BIN3: variants seen among roughly 807,000 people sequenced by gnomAD.
BIN3 encodes the protein bridging integrator 3.
Under a neutral mutation model 38.2 loss-of-function variants are expected in BIN3, and 41 were observed. The observed-to-expected ratio is 1.07, with a 90% CI of 0.84 to 1.39. The LOEUF (loss-of-function observed/expected upper bound fraction) is 1.39. Ranked by LOEUF, BIN3 falls within the 40% of genes most tolerant of loss-of-function variation. BIN3 has a pLI of 0.00. For synonymous variants in BIN3, 145 were observed against 122.6 expected, an observed-to-expected ratio of 1.18 and a Z score of -1.21; for missense variants, 361 against 324.3, an observed-to-expected ratio of 1.11 and a Z score of -0.87.
intron 1 of BIN3, among the ~76,000 whole-genome samples, chr8:22,665,655 C>T (rs1223664303): frequency 3.3e-5 from 5 of 152,176 alleles, no homozygotes; most frequent in East Asian, 1.9e-4. Flanking sequence ...CACATGGGCA[C>T]GAGAGAGCAG....
chr8:22,630,144 A>G (rs1283914374), intron 5 of BIN3, 140 bp from the exon 6 acceptor site: 16 of 1,061,890 alleles, frequency 1.5e-5, no homozygotes, highest in Non-Finnish European at 2.2e-5. Flanking sequence ...GGCTTTGCTC[A>G]GGGTGGAGGC....
At chr8:22,633,857 C>T (rs990023613) in intron 4 of BIN3, among the ~76,000 whole-genome samples, 7 of 152,222 alleles carry the variant, frequency 4.6e-5, no homozygotes, top group Non-Finnish European at 8.8e-5. Flanking sequence ...CTGTCAGGCT[C>T]GCCTTGGCCC....
At chr8:22,629,362 T>A (rs907012200) in intron 6 of BIN3, among the ~76,000 whole-genome samples, 17 of 152,244 alleles carry the variant, frequency 1.1e-4, no homozygotes, top group Middle Eastern at 3.4e-3. Context: ...GCTCTGCCTG[T>A]TCCCCGCCCT....
chr8:22,643,253 A>G (rs1239673173), intron 2 of BIN3, among the ~76,000 whole-genome samples: 1 of 152,166 alleles, frequency 6.6e-6, no homozygotes, highest in Non-Finnish European at 1.5e-5. Flanking sequence ...GCCTCCACAG[A>G]TGGTCAGCCT....
chr8:22,629,684 G>A lies in BIN3; in HGVS notation c.338+280C>T, dbSNP rs118100486. On this transcript the variant is annotated intron_variant, in intron 6 of 8. Transcript: ENST00000276416. ...CAGTGGCTCTCAATCAGGAGGAAGC[G>A]GTCAAATGACCACCAGAACAGCGGC... 9.0e-5 allele frequency: 49 copies of A among 542,252 alleles called. No homozygotes were observed. The East Asian group carries it at 1.1e-3, about 12-fold the overall frequency. 33.6% of individuals were successfully genotyped at this position (542,252 alleles called of 1,614,324 possible).
chr8:22,658,301 C>A (rs1803124562), intron 1 of BIN3, among the ~76,000 whole-genome samples: 1 of 152,136 alleles, frequency 6.6e-6, no homozygotes. Flanking sequence ...GTACGGAGGG[C>A]AAAGGGGGGA....
intron 1 of BIN3, among the ~76,000 whole-genome samples, chr8:22,650,213 T>C (rs1037507166): frequency 2.8e-4 from 43 of 152,242 alleles, no homozygotes; most frequent in African/African-American, 9.9e-4. Flanking sequence ...GTATACTGTG[T>C]TCAAGGCTTT....
chr8:22,666,565 G>A (rs1336513372), intron 1 of BIN3, among the ~76,000 whole-genome samples: 1 of 152,164 alleles, frequency 6.6e-6, no homozygotes, highest in African/African-American at 2.4e-5. Context: ...GGGTGTATGG[G>A]GAGTGGATGG....
At chr8:22,663,204 A>C (rs931893430) in intron 1 of BIN3, among the ~76,000 whole-genome samples, 2 of 90,636 alleles carry the variant, frequency 2.2e-5, no homozygotes, top group African/African-American at 1.0e-4. Flanking sequence ...TATTTCAAGT[A>C]TAAGTGTGTG....
chr8:22,621,110 G>A lies in BIN3; in HGVS notation c.*312C>T, dbSNP rs973959813. On this transcript the variant is annotated 3_prime_UTR_variant, in exon 9 of 9. Coordinates refer to ENST00000276416, the MANE Select transcript of BIN3 (RefSeq NM_018688.6). ...GGCTAAGACCCCCAACTTAGCCAAC[G>A]AAGCCCATGGCCTCAGAAGGGCTGC... 2.6e-5 allele frequency: 8 copies of A among 310,444 alleles called. No homozygotes were observed. Among genetic ancestry groups the A allele is most frequent in the Non-Finnish European group, 2.4e-5 (4 of 166,850 alleles). 19.2% of individuals were successfully genotyped at this position (310,444 alleles called of 1,614,324 possible).
intron 1 of BIN3, among the ~76,000 whole-genome samples, chr8:22,653,144 T>C (rs1314975683): frequency 6.6e-6 from 1 of 152,234 alleles, no homozygotes; most frequent in African/African-American, 2.4e-5. Flanking sequence ...AGTGACCAGT[T>C]TGTCATTAAT....
At position 22,624,347 on chromosome 8, in the gene BIN3, G is replaced by A. The variant is rs1198969446; in HGVS notation, c.355C>T (p.Pro119Ser). 1.2e-6 allele frequency: 2 copies of A among 1,613,210 alleles called. No homozygotes were observed. The highest frequency in any genetic ancestry group is 1.1e-5 in the South Asian group (1 of 90,972). Residue 119 changes from proline (P) to serine (S), a missense_variant, in exon 7 of 9, where the codon CCG becomes TCG. Transcript: ENST00000276416. ...CTCTTCACAGCCATGTTGAGGCTCG[G>A]GAAGACACTGCCGAACCTGTGGGAC... is the stretch of plus-strand genomic sequence containing the variant. ...EPLKKFGSVF[P>S]SLNMAVKRRE...
intron 1 of BIN3, among the ~76,000 whole-genome samples, chr8:22,647,933 T>C (rs1353121817): frequency 1.3e-5 from 2 of 151,700 alleles, no homozygotes; most frequent in African/African-American, 4.8e-5. Context: ...GAGACCATCC[T>C]GGCTAACACG....
chr8:22,655,373 T>C (rs1204643220), intron 1 of BIN3, among the ~76,000 whole-genome samples: 3 of 152,258 alleles, frequency 2.0e-5, no homozygotes, highest in East Asian at 1.9e-4. Flanking sequence ...CATGAAGATT[T>C]ACTCTTGTCT....
intron 2 of BIN3, among the ~76,000 whole-genome samples, chr8:22,640,030 T>G (rs1191885945): frequency 6.8e-6 from 1 of 148,082 alleles, no homozygotes; most frequent in Non-Finnish European, 1.5e-5. Context: ...CCTGGCTAAT[T>G]TTCGTGTTTT....
Position 22,630,020 on chromosome 8 carries a change from C to A in BIN3, c.298-16G>T. The A allele has an allele frequency of 6.2e-7, 1 of 1,606,204 alleles. No individual in the cohort carries two copies. Among genetic ancestry groups the A allele is most frequent in the East Asian group, 2.2e-5 (1 of 44,736 alleles). On this transcript the variant is annotated splice_polypyrimidine_tract_variant and intron_variant, in intron 5 of 8. Transcript: ENST00000276416. ...TCTGGTTCACCTGTCAAAGAAAAAC[C>A]CAAAGACATTAAAACTGGTGGGGAG...
Position 22,620,436 on chromosome 8 carries a change from G to GGCTT in BIN3, c.*982_*985dup, listed in dbSNP as rs775687799. 3 of 32,116 alleles carry GGCTT rather than the reference G, an allele frequency of 9.3e-5. No homozygotes were observed. The highest frequency in any genetic ancestry group is 1.5e-4 in the Non-Finnish European group (2 of 13,170). The allele number at this position is 32,116 out of a possible 1,614,324, so 2.0% of individuals were successfully genotyped here. ...GTTGGGGTTTTTTTTTTTTTTTTTT[G>GGCTT]GCTTGTTTTTTAAATAAACCAAAGT... On this transcript the variant is annotated 3_prime_UTR_variant, in exon 9 of 9. Coordinates refer to ENST00000276416, the MANE Select transcript of BIN3 (RefSeq NM_018688.6).
At chr8:22,663,836 G>C (rs1049085583) in intron 1 of BIN3, among the ~76,000 whole-genome samples, 2 of 152,124 alleles carry the variant, frequency 1.3e-5, no homozygotes, top group African/African-American at 4.8e-5. Context: ...GAAACAGCAC[G>C]TATTTGCTAA....
chr8:22,643,974 T>A (rs1245158738), intron 2 of BIN3, among the ~76,000 whole-genome samples: 1 of 152,256 alleles, frequency 6.6e-6, no homozygotes, highest in Non-Finnish European at 1.5e-5. Flanking sequence ...AGGGCTTCAC[T>A]GCCCAGGGAA....
Sources: allele counts gnomAD v4.1 joint callset (sites outside exome capture counted in the v4.1 genomes callset), GRCh38; gene constraint gnomAD v4.1.1; transcripts MANE v1.5; gene names NCBI Gene and HGNC (gene_info 2026-07-23, HGNC 2026-07-21).